The following EYS variants were observed in gnomAD, a reference collection of about 807,000 sequenced individuals.
EYS encodes the protein protein eyes shut homolog.
A neutral mutation model predicts 282.1 loss-of-function variants in EYS; 250 were observed. The ratio of observed to expected loss-of-function variants is 0.89; its 90% CI spans 0.80 to 0.98. The LOEUF (loss-of-function observed/expected upper bound fraction) is 0.98. Among genes scored for constraint, EYS ranks in the 50% least tolerant of loss-of-function variants. The pLI is 0.00. For missense variants in EYS, 4,016 were observed against 3,709.0 expected, an observed-to-expected ratio of 1.08 and a Z score of -2.15; for synonymous variants, 1,355 against 1,282.9, an observed-to-expected ratio of 1.06 and a Z score of -1.20.
chr6:64,478,507 A>T (rs1776342906), intron 26 of EYS, among the ~76,000 whole-genome samples: 9 of 151,508 alleles, frequency 5.9e-5, no homozygotes, highest in Admixed American at 5.3e-4. Flanking sequence ...ATTTTTTCAT[A>T]ATATTAAATG....
At chr6:64,109,324 T>A (rs528839374) in intron 31 of EYS, among the ~76,000 whole-genome samples, 3 of 152,244 alleles carry the variant, frequency 2.0e-5, no homozygotes, top group Non-Finnish European at 4.4e-5. Context: ...TTTTACTTTC[T>A]TCAACCTTCC....
At chr6:64,688,191 A>AT (rs941566349) in intron 22 of EYS, among the ~76,000 whole-genome samples, 22 of 151,470 alleles carry the variant, frequency 1.5e-4, no homozygotes, top group East Asian at 5.8e-4. Flanking sequence ...GGATTCATTG[A>AT]TTTTTTTAAT....
intron 12 of EYS, among the ~76,000 whole-genome samples, chr6:65,193,851 C>T (rs145980591): frequency 2.4e-4 from 36 of 151,804 alleles, no homozygotes; most frequent in African/African-American, 7.5e-4. Flanking sequence ...CCAAACCACC[C>T]GAGGACCAAT....
chr6:64,874,285 G>A (rs1329611576), intron 19 of EYS, among the ~76,000 whole-genome samples: 1 of 152,048 alleles, frequency 6.6e-6, no homozygotes, highest in African/African-American at 2.4e-5. Flanking sequence ...GCTTCCATAG[G>A]TGAAGTAATT....
intron 22 of EYS, among the ~76,000 whole-genome samples, chr6:64,792,610 T>C (rs1473359533): frequency 1.3e-5 from 2 of 152,000 alleles, no homozygotes; most frequent in African/African-American, 2.4e-5. Flanking sequence ...AAAGATATGA[T>C]TAATACCTAA....
At chr6:65,426,066 C>G (rs1482745582) in intron 5 of EYS, among the ~76,000 whole-genome samples, 1 of 152,078 alleles carries the variant, frequency 6.6e-6, no homozygotes, top group Non-Finnish European at 1.5e-5. Context: ...GCCTCAAACT[C>G]CTGGGCTAAG....
At chr6:64,614,776 T>C (rs1403641056) in intron 24 of EYS, among the ~76,000 whole-genome samples, 1 of 152,100 alleles carries the variant, frequency 6.6e-6, no homozygotes, top group Non-Finnish European at 1.5e-5. Flanking sequence ...GAATAGATCA[T>C]GTAACTTATT....
At chr6:65,169,601 A>G (rs989588050) in intron 12 of EYS, among the ~76,000 whole-genome samples, 2 of 151,476 alleles carry the variant, frequency 1.3e-5, no homozygotes, top group Non-Finnish European at 3.0e-5. Flanking sequence ...TACAAGAGTT[A>G]AAACAATTAT....
intron 30 of EYS, among the ~76,000 whole-genome samples, chr6:64,304,844 C>A (rs1377530745): frequency 3.3e-5 from 5 of 151,904 alleles, no homozygotes; most frequent in Non-Finnish European, 1.5e-5. Flanking sequence ...ACAACACACA[C>A]CAAAATGTAC....
intron 2 of EYS, among the ~76,000 whole-genome samples, chr6:65,616,606 T>C (rs1019370557): frequency 9.2e-5 from 14 of 151,922 alleles, no homozygotes; most frequent in Non-Finnish European, 1.5e-5. Flanking sequence ...GCCAAAATGG[T>C]GAAACCCCGT....
chr6:64,458,434 A>C (rs1025185538), intron 26 of EYS, among the ~76,000 whole-genome samples: 5 of 151,932 alleles, frequency 3.3e-5, no homozygotes, highest in African/African-American at 7.2e-5. Context: ...GATGGCTTTG[A>C]TGGGTAAGAT....
intron 12 of EYS, among the ~76,000 whole-genome samples, chr6:65,089,063 C>G (rs750176220): frequency 6.6e-6 from 1 of 152,126 alleles, no homozygotes; most frequent in Non-Finnish European, 1.5e-5. Context: ...GCCTAGATGT[C>G]CAGGCAGAAG....
At chr6:65,289,626 C>G (rs1354062184) in intron 12 of EYS, among the ~76,000 whole-genome samples, 1 of 150,996 alleles carries the variant, frequency 6.6e-6, no homozygotes, top group Non-Finnish European at 1.5e-5. Context: ...AAGCACTATT[C>G]AAAAATTATC....
At chr6:64,353,659 A>G (rs1771723822) in intron 29 of EYS, among the ~76,000 whole-genome samples, 1 of 151,642 alleles carries the variant, frequency 6.6e-6, no homozygotes, top group African/African-American at 2.4e-5. Context: ...AAATTATCAA[A>G]CATTTAACAA....
At chr6:64,385,626 G>A (rs892171490) in intron 29 of EYS, among the ~76,000 whole-genome samples, 5 of 151,972 alleles carry the variant, frequency 3.3e-5, no homozygotes, top group East Asian at 1.9e-4. Context: ...AAAGTCTTTC[G>A]AAATTTAGTC....
chr6:65,340,359 T>G (rs1012151855), intron 10 of EYS, among the ~76,000 whole-genome samples: 2 of 151,214 alleles, frequency 1.3e-5, no homozygotes, highest in African/African-American at 4.8e-5. Flanking sequence ...GGAACACATT[T>G]TAATACAAAA....
At chr6:63,729,393 A>T (rs1294055171) in intron 41 of EYS, among the ~76,000 whole-genome samples, 1 of 151,972 alleles carries the variant, frequency 6.6e-6, no homozygotes, top group Non-Finnish European at 1.5e-5. Flanking sequence ...ACTCATCATC[A>T]AACTCAAAGT....
intron 32 of EYS, among the ~76,000 whole-genome samples, chr6:64,073,725 T>A (rs1771670413): frequency 6.6e-6 from 1 of 151,746 alleles, no homozygotes; most frequent in African/African-American, 2.4e-5. Flanking sequence ...CATTGCTCGT[T>A]GAATGTAGAC....
intron 24 of EYS, among the ~76,000 whole-genome samples, chr6:64,593,558 C>T (rs1458398765): frequency 1.3e-5 from 2 of 151,920 alleles, no homozygotes; most frequent in African/African-American, 4.8e-5. Flanking sequence ...AATTTTAAGT[C>T]AAAATACTAT....
Sources: gnomAD v4.1 joint callset for allele counts (sites outside exome capture counted in the v4.1 genomes callset) on GRCh38, gnomAD v4.1.1 for gene constraint, MANE v1.5 for transcripts, NCBI Gene and HGNC (gene_info 2026-07-23, HGNC 2026-07-21) for gene names.